The following EYA4 variants were observed in gnomAD, a reference collection of about 807,000 sequenced individuals.
EYA4 encodes the protein EYA transcriptional coactivator and phosphatase 4.
EYA4 carries 31 observed loss-of-function variants against 87.9 expected under a neutral mutation model. The observed-to-expected ratio is 0.35, with a 90% CI of 0.27 to 0.48. The LOEUF (loss-of-function observed/expected upper bound fraction) is 0.48. Among genes scored for constraint, EYA4 ranks in the 20% least tolerant of loss-of-function variants. The pLI is 0.99. For missense variants in EYA4, 678 were observed against 761.4 expected (o/e 0.89, Z 1.29); for synonymous variants, 263 against 270.6 (o/e 0.97, Z 0.28).
chr6:133,270,123 C>T (rs901510104), intron 1 of EYA4, among the ~76,000 whole-genome samples: 2 of 152,192 alleles, frequency 1.3e-5, no homozygotes, highest in African/African-American at 4.8e-5. Flanking sequence ...AAATGTTAAT[C>T]TGTTTTGGCA....
intron 17 of EYA4, among the ~76,000 whole-genome samples, chr6:133,521,514 G>A (rs1410086472): frequency 7.2e-6 from 1 of 138,560 alleles, no homozygotes; most frequent in Non-Finnish European, 1.5e-5. Flanking sequence ...TACACTGTTA[G>A]TGGGACTGTA....
intron 3 of EYA4, among the ~76,000 whole-genome samples, chr6:133,439,976 C>G (rs936532872): frequency 2.0e-5 from 3 of 152,214 alleles, no homozygotes; most frequent in East Asian, 1.9e-4. Context: ...GGACGATACA[C>G]TTTTTACTGC....
chr6:133,460,257 CTG>C (rs1794261325), intron 6 of EYA4, among the ~76,000 whole-genome samples: 1 of 152,106 alleles, frequency 6.6e-6, no homozygotes, highest in Non-Finnish European at 1.5e-5. Context: ...TAAAGACACT[CTG>C]TGTGCTCGCT....
At chr6:133,441,192 T>G (rs565489667) in intron 3 of EYA4, among the ~76,000 whole-genome samples, 73 of 152,308 alleles carry the variant, frequency 4.8e-4, no homozygotes, top group African/African-American at 1.7e-3. Context: ...TGTGCTTCAG[T>G]TTGGATAATT....
At chr6:133,297,465 C>T (rs1437969882) in intron 2 of EYA4, among the ~76,000 whole-genome samples, 1 of 152,176 alleles carries the variant, frequency 6.6e-6, no homozygotes, top group Non-Finnish European at 1.5e-5. Flanking sequence ...CCATCATTGC[C>T]CTTTGCAAGA....
intron 14 of EYA4, among the ~76,000 whole-genome samples, chr6:133,511,326 T>TA (rs1799116408): frequency 6.6e-6 from 1 of 151,834 alleles, no homozygotes; most frequent in Admixed American, 6.6e-5. Flanking sequence ...TGATTTTTTT[T>TA]AAAAATTAAT....
chr6:133,324,904 ATTTTTT>A (rs756478373), intron 2 of EYA4, among the ~76,000 whole-genome samples: 90 of 83,584 alleles, frequency 1.1e-3, no homozygotes, highest in African/African-American at 3.8e-3. Flanking sequence ...TTCAGAAGCT[ATTTTTT>A]TTTTTTTTTT....
intron 1 of EYA4, among the ~76,000 whole-genome samples, chr6:133,268,606 G>A (rs568542594): frequency 1.4e-4 from 21 of 152,306 alleles, no homozygotes; most frequent in African/African-American, 5.1e-4. Flanking sequence ...CCAGTGGCCA[G>A]CACTTAACTA....
chr6:133,256,361 C>T (rs995843222), intron 1 of EYA4, among the ~76,000 whole-genome samples: 2 of 151,660 alleles, frequency 1.3e-5, no homozygotes, highest in African/African-American at 2.4e-5. Context: ...TTAGTACCAT[C>T]AAATATTTAC....
chr6:133,375,116 G>A (rs887991433), intron 2 of EYA4, among the ~76,000 whole-genome samples: 4 of 151,948 alleles, frequency 2.6e-5, no homozygotes, highest in Non-Finnish European at 5.9e-5. Flanking sequence ...AAAATGAGTC[G>A]TATTGAGAAG....
intron 1 of EYA4, among the ~76,000 whole-genome samples, chr6:133,244,846 A>G (rs1774275506): frequency 1.3e-5 from 2 of 152,110 alleles, no homozygotes; most frequent in South Asian, 2.1e-4. Context: ...CACTGGAATT[A>G]GATTTTTTAG....
chr6:133,330,780 T>G (rs1329833458), intron 2 of EYA4, among the ~76,000 whole-genome samples: 1 of 151,768 alleles, frequency 6.6e-6, no homozygotes, highest in Non-Finnish European at 1.5e-5. Context: ...AAAAGTCTGG[T>G]TTGGTGGTTT....
chr6:133,288,793 A>C (rs1358596269), intron 2 of EYA4, among the ~76,000 whole-genome samples: 1 of 152,134 alleles, frequency 6.6e-6, no homozygotes, highest in Admixed American at 6.5e-5. Flanking sequence ...CAGTAGGATA[A>C]TAGTGTCTTC....
At position 133,327,287 on chromosome 6, in the gene EYA4, G is replaced by A. The variant is rs112408774; in HGVS notation, c.33+52474G>A. On this transcript the variant is annotated intron_variant, in intron 2 of 19. Transcript: ENST00000355286. ...CGAGTAGCTGAGATTACAGGTGCCC[G>A]CCGCCACGCCAGTCTAATTTTTTGA... Among the ~76,000 whole-genome samples, 88 of 151,914 alleles carry A rather than the reference G, an allele frequency of 5.8e-4. No homozygotes were observed. In the Middle Eastern group the frequency reaches 0.014, roughly 23 times the overall value.
intron 14 of EYA4, chr6:133,507,423 C>T (rs1244740222): frequency 6.6e-6 from 1 of 151,674 alleles, no homozygotes; most frequent in African/African-American, 2.4e-5. Flanking sequence ...ATGCGCAGAA[C>T]GTGCAGGTTT....
chr6:133,446,574 A>G (rs1416186476), intron 3 of EYA4, 56 bp from the exon 4 acceptor site: 18 of 1,603,952 alleles, frequency 1.1e-5, no homozygotes, highest in Non-Finnish European at 1.4e-5. Flanking sequence ...TTTGTAATCT[A>G]TTAAAAAATA....
At position 133,529,178 on chromosome 6, in the gene EYA4, T is replaced by A; in HGVS notation, c.*373T>A. On this transcript the variant is annotated 3_prime_UTR_variant, in exon 20 of 20. Transcript: ENST00000355286. Reference sequence around the variant, plus strand: ...CAACAACATTCCTCAAAATGGGAGATCTTCTCAGCCCTGAGGTTTGAATCT... The same window carrying A: ...CAACAACATTCCTCAAAATGGGAGAACTTCTCAGCCCTGAGGTTTGAATCT... 2 of 1,174,090 alleles carry A rather than the reference T, an allele frequency of 1.7e-6. No homozygotes were observed. The highest frequency in any genetic ancestry group is 1.8e-5 in the South Asian group (1 of 57,140). The allele number at this position is 1,174,090 out of a possible 1,614,324, so 72.7% of individuals were successfully genotyped here. A position where few individuals can be genotyped will look rare whatever the true frequency, so the allele number is the denominator to read the frequency against.
chr6:133,405,129 G>T (rs1788594721), intron 3 of EYA4, among the ~76,000 whole-genome samples: 1 of 152,042 alleles, frequency 6.6e-6, no homozygotes, highest in Admixed American at 6.6e-5. Context: ...TGCTCACCAT[G>T]CCATGGCCTC....
intron 2 of EYA4, among the ~76,000 whole-genome samples, chr6:133,327,708 G>GC (rs1466673493): frequency 6.6e-6 from 1 of 152,110 alleles, no homozygotes; most frequent in African/African-American, 2.4e-5. Context: ...GATTAGTGAT[G>GC]CTTTACCTTT....
Sources: gnomAD v4.1 joint callset for allele counts (sites outside exome capture counted in the v4.1 genomes callset) on GRCh38, gnomAD v4.1.1 for gene constraint, MANE v1.5 for transcripts, NCBI Gene and HGNC (gene_info 2026-07-23, HGNC 2026-07-21) for gene names.